DCAF5: variants seen among roughly 807,000 people sequenced by gnomAD.
DCAF5 encodes DDB1 and CUL4 associated factor 5.
DCAF5 carries 9 observed loss-of-function variants against 80.7 expected under a neutral mutation model. That is an observed-to-expected ratio of 0.11 (90% CI 0.07 to 0.19). The LOEUF is 0.19. Among genes scored for constraint, DCAF5 ranks in the 10% least tolerant of loss-of-function variants. The pLI is 1.00. For synonymous variants in DCAF5, 433 were observed against 461.9 expected (o/e 0.94, Z 0.80); for missense variants, 842 against 1,205.7 (o/e 0.70, Z 4.47).
chr14:69,077,747 C>G (rs555847627), intron 6 of DCAF5, among the ~76,000 whole-genome samples: 1 of 152,200 alleles, frequency 6.6e-6, no homozygotes, highest in Non-Finnish European at 1.5e-5. Flanking sequence ...AGTGTAAGTC[C>G]AACATACACA....
chr14:69,069,298 G>A (rs1045256847), intron 7 of DCAF5, among the ~76,000 whole-genome samples: 1 of 152,134 alleles, frequency 6.6e-6, no homozygotes, highest in Non-Finnish European at 1.5e-5. Flanking sequence ...TTCCATTCAG[G>A]GAAAAATTTG....
chr14:69,056,461 T>C (rs2037974680), intron 8 of DCAF5, among the ~76,000 whole-genome samples: 1 of 152,336 alleles, frequency 6.6e-6, no homozygotes, highest in South Asian at 2.1e-4. Context: ...TTAACTTTAC[T>C]GTTATGCAAA....
chr14:69,151,257 A>G (rs1395134875), intron 1 of DCAF5, among the ~76,000 whole-genome samples: 2 of 152,140 alleles, frequency 1.3e-5, no homozygotes, highest in East Asian at 1.9e-4. Context: ...AGTCAAAGAG[A>G]AAACGATCTG....
chr14:69,105,003 T>C (rs1023544322), intron 5 of DCAF5, among the ~76,000 whole-genome samples: 49 of 152,288 alleles, frequency 3.2e-4, no homozygotes, highest in Admixed American at 2.6e-3. Flanking sequence ...TAAGGAATTA[T>C]TGTTACTTTT....
chr14:69,109,368 T>C (rs908425322), intron 5 of DCAF5, among the ~76,000 whole-genome samples: 11 of 151,544 alleles, frequency 7.3e-5, no homozygotes, highest in African/African-American at 2.4e-4. Context: ...CAACATAATA[T>C]GATAACATGC....
At chr14:69,070,789 TC>T (rs1167155475) in intron 7 of DCAF5, among the ~76,000 whole-genome samples, 13 of 139,468 alleles carry the variant, frequency 9.3e-5, no homozygotes, top group African/African-American at 2.7e-4. Context: ...TTTTTATTTT[TC>T]TTTTTTTTTT....
In DCAF5 at chr14:69,152,042, G is replaced by A. The variant is rs1340725307; in HGVS notation, c.214+723C>T. ...CCGGGGGTCCCCCACCCTACCGCCT[G>A]CCTCGCAAGTTGCGCATTCAAGTTC... On this transcript the variant is annotated intron_variant, in intron 1 of 8. Coordinates refer to ENST00000341516, the MANE Select transcript of DCAF5 (RefSeq NM_003861.3). The surrounding 1 kb of genome is among the most constrained non-coding windows in gnomAD (Gnocchi z 4.1). Among the ~76,000 whole-genome samples the A allele has an allele frequency of 6.6e-6, 1 of 152,182 alleles. No individual in the cohort carries two copies. Among genetic ancestry groups the A allele is most frequent in the African/African-American group, 2.4e-5 (1 of 41,458 alleles).
chr14:69,141,373 C>T (rs1437924754), intron 1 of DCAF5, among the ~76,000 whole-genome samples: 2 of 151,578 alleles, frequency 1.3e-5, no homozygotes, highest in Admixed American at 6.6e-5. Context: ...TATTATTATA[C>T]TTTAAGTTCT....
rs1205419428 is a variant in DCAF5 at position 69,052,886 on chromosome 14, C to T, written c.*971G>A. ...ATATAGTACCACATTCTGCTCCTCA[C>T]TAAGCTTCTTCGTTAACACACCTAT... is the stretch of plus-strand genomic sequence containing the variant. On this transcript the variant is annotated 3_prime_UTR_variant, in exon 9 of 9. Coordinates refer to ENST00000341516, the MANE Select transcript of DCAF5 (RefSeq NM_003861.3). 2.0e-5 allele frequency: 3 copies of T among 152,258 alleles called. No individual in the cohort carries two copies. In the South Asian group the frequency reaches 6.2e-4, roughly 31 times the overall value. 9.4% of individuals were successfully genotyped at this position (152,258 alleles called of 1,614,324 possible).
At chr14:69,130,334 A>G (rs575339264) in intron 1 of DCAF5, among the ~76,000 whole-genome samples, 3 of 152,338 alleles carry the variant, frequency 2.0e-5, no homozygotes, top group South Asian at 2.1e-4. Context: ...AATAAGCCAG[A>G]CATAAAAGGA....
chr14:69,146,093 C>T (rs181555140), intron 1 of DCAF5, among the ~76,000 whole-genome samples: 8 of 152,312 alleles, frequency 5.3e-5, no homozygotes, highest in Admixed American at 3.3e-4. Context: ...AGTGAAAGCA[C>T]GTGCTTGTAC....
chr14:69,151,602 CT>C (rs1326762745), intron 1 of DCAF5, among the ~76,000 whole-genome samples: 5 of 152,204 alleles, frequency 3.3e-5, no homozygotes, highest in Non-Finnish European at 5.9e-5. Context: ...TTCACCCCCC[CT>C]CCCCTGAGCC....
intron 5 of DCAF5, among the ~76,000 whole-genome samples, chr14:69,098,697 C>T (rs1359790432): frequency 1.5e-5 from 2 of 135,282 alleles, no homozygotes; most frequent in African/African-American, 5.6e-5. Context: ...TCCTTGCTAA[C>T]ACGGTGAAAC....
intron 5 of DCAF5, among the ~76,000 whole-genome samples, chr14:69,097,760 T>C (rs1344071343): frequency 6.6e-6 from 1 of 151,730 alleles, no homozygotes; most frequent in Non-Finnish European, 1.5e-5. Context: ...CTAATTTTTG[T>C]ATTTTTAGTA....
At chr14:69,129,366 A>G (rs77327054) in intron 1 of DCAF5, among the ~76,000 whole-genome samples, 6,344 of 152,278 alleles carry the variant, frequency 0.042, 163 homozygotes, top group African/African-American at 0.073. Context: ...TGCAAAGGCA[A>G]TCTTCAAGTA....
chr14:69,079,080 T>C (rs571733058), intron 6 of DCAF5, among the ~76,000 whole-genome samples: 9 of 136,274 alleles, frequency 6.6e-5, no homozygotes, highest in South Asian at 6.5e-4. Context: ...CCTGCTACCC[T>C]GCCCCCCATA....
At chr14:69,110,030 CATT>C (rs1444498171) in intron 5 of DCAF5, among the ~76,000 whole-genome samples, 3 of 152,130 alleles carry the variant, frequency 2.0e-5, no homozygotes, top group African/African-American at 7.2e-5. Context: ...TACTGACACT[CATT>C]GTGGTTTTAA....
chr14:69,096,221 G>A (rs1325564792), intron 5 of DCAF5, among the ~76,000 whole-genome samples: 2 of 152,188 alleles, frequency 1.3e-5, no homozygotes, highest in Non-Finnish European at 2.9e-5. Flanking sequence ...GAAGGGAGAT[G>A]AAGAACCTGG....
chr14:69,093,861 C>T (rs2039610371), intron 5 of DCAF5, among the ~76,000 whole-genome samples: 1 of 152,122 alleles, frequency 6.6e-6, no homozygotes, highest in Non-Finnish European at 1.5e-5. Flanking sequence ...GCCTGGTATC[C>T]CTGCAGGCCC....
Sources: allele counts gnomAD v4.1 joint callset (sites outside exome capture counted in the v4.1 genomes callset), GRCh38; gene constraint gnomAD v4.1.1; non-coding constraint Gnocchi (gnomAD v3.1); transcripts MANE v1.5; gene names NCBI Gene and HGNC (gene_info 2026-07-23, HGNC 2026-07-21).